OXR1: variants seen among roughly 807,000 people sequenced by gnomAD.
OXR1 encodes the protein oxidation resistance protein 1.
In OXR1, 41 loss-of-function variants were observed where a neutral mutation model predicts 104.6. That is an observed-to-expected ratio of 0.39 (90% CI 0.31 to 0.51). The LOEUF is 0.51. OXR1 is among the 20% of genes least tolerant of loss of function. The pLI, the probability that OXR1 is intolerant of heterozygous loss-of-function variation, is 0.77. For missense variants in OXR1, 955 were observed against 1,031.9 expected (o/e 0.93, Z 1.02); for synonymous variants, 348 against 348.4 (o/e 1.00, Z 0.01).
At chr8:106,733,554 T>G (rs1352843087) in intron 11 of OXR1, among the ~76,000 whole-genome samples, 2 of 152,200 alleles carry the variant, frequency 1.3e-5, no homozygotes, top group East Asian at 3.8e-4. Context: ...TCAGTTATAC[T>G]TTTTTAAAAA....
chr8:106,693,083 T>C (rs1385166270), intron 7 of OXR1, among the ~76,000 whole-genome samples: 1 of 152,172 alleles, frequency 6.6e-6, no homozygotes, highest in Non-Finnish European at 1.5e-5. Context: ...TTAAAAGTAA[T>C]GGAATATAAA....
chr8:106,719,067 A>G (rs1256961361), intron 11 of OXR1, among the ~76,000 whole-genome samples: 1 of 152,228 alleles, frequency 6.6e-6, no homozygotes, highest in Admixed American at 6.5e-5. Flanking sequence ...GGAACTACTT[A>G]TTACAGTCTT....
chr8:106,523,966 C>G (rs1251332282), intron 3 of OXR1, among the ~76,000 whole-genome samples: 1 of 151,948 alleles, frequency 6.6e-6, no homozygotes, highest in East Asian at 1.9e-4. Flanking sequence ...TTAGTAGAGA[C>G]GGGGTTTCAC....
At chr8:106,467,440 C>T (rs1399044019) in intron 2 of OXR1, among the ~76,000 whole-genome samples, 4 of 151,782 alleles carry the variant, frequency 2.6e-5, no homozygotes, top group African/African-American at 9.7e-5. Context: ...TCATGGATGA[C>T]CACAAAGAGC....
At chr8:106,309,120 GGT>G (rs1813591731) in intron 1 of OXR1, among the ~76,000 whole-genome samples, 1 of 151,938 alleles carries the variant, frequency 6.6e-6, no homozygotes, top group African/African-American at 2.4e-5. Flanking sequence ...CTAGGAACAA[GGT>G]GTGTACCATT....
chr8:106,496,052 G>A (rs554536196), intron 2 of OXR1, among the ~76,000 whole-genome samples: 17 of 152,018 alleles, frequency 1.1e-4, no homozygotes, highest in South Asian at 2.1e-4. Flanking sequence ...ATTAAAAAAC[G>A]GACATTATTA....
intron 2 of OXR1, among the ~76,000 whole-genome samples, chr8:106,502,530 AATG>A (rs1811880157): frequency 6.6e-6 from 1 of 152,174 alleles, no homozygotes; most frequent in Non-Finnish European, 1.5e-5. Flanking sequence ...AAATCACAAG[AATG>A]ATGATGCCAT....
chr8:106,711,896 A>G (rs1831729081), intron 10 of OXR1, among the ~76,000 whole-genome samples: 1 of 152,160 alleles, frequency 6.6e-6, no homozygotes, highest in African/African-American at 2.4e-5. Context: ...TACTTCTAAG[A>G]TAATGCTACA....
chr8:106,285,784 G>A (rs768262577), intron 1 of OXR1, among the ~76,000 whole-genome samples: 3 of 151,218 alleles, frequency 2.0e-5, no homozygotes, highest in African/African-American at 2.4e-5. Context: ...TATACACGAC[G>A]TCAACAAGAG....
intron 2 of OXR1, among the ~76,000 whole-genome samples, chr8:106,490,555 G>A (rs1398150393): frequency 1.3e-5 from 2 of 152,084 alleles, no homozygotes; most frequent in East Asian, 3.9e-4. Flanking sequence ...TAGGGAAGAT[G>A]GGGTTTCACC....
intron 3 of OXR1, among the ~76,000 whole-genome samples, chr8:106,660,978 G>A (rs1825708206): frequency 6.6e-6 from 1 of 152,068 alleles, no homozygotes; most frequent in Admixed American, 6.6e-5. Flanking sequence ...CTGCACTCCA[G>A]CCTGGGCCAC....
chr8:106,541,853 A>T (rs983640991), intron 3 of OXR1, among the ~76,000 whole-genome samples: 5 of 152,348 alleles, frequency 3.3e-5, no homozygotes, highest in African/African-American at 1.2e-4. Context: ...AAAATGAAGT[A>T]GGGATAAGAT....
intron 3 of OXR1, among the ~76,000 whole-genome samples, chr8:106,558,206 C>T (rs1816424986): frequency 6.6e-6 from 1 of 152,168 alleles, no homozygotes; most frequent in Non-Finnish European, 1.5e-5. Flanking sequence ...GAAAAGCTTC[C>T]CTCTTGAAGA....
intron 2 of OXR1, among the ~76,000 whole-genome samples, chr8:106,391,521 G>A (rs575389340): frequency 1.3e-5 from 2 of 152,248 alleles, no homozygotes; most frequent in South Asian, 4.1e-4. Flanking sequence ...AATGAATGCT[G>A]AAATGTAACA....
At position 106,356,450 on chromosome 8, in the gene OXR1, C is replaced by T. The variant is rs189861773; in HGVS notation, c.-138-3026C>T. ...ACTCTTCAGTTATACTAAATTGTAC[C>T]ATGTACATTGACAATATTTGACCAT... is the stretch of plus-strand genomic sequence containing the variant. On this transcript the variant is annotated intron_variant, in intron 1 of 16. Transcript: ENST00000517566. 3.0e-4 allele frequency among the ~76,000 whole-genome samples: 46 copies of T among 152,208 alleles called. No homozygotes were observed. In the East Asian group the frequency reaches 8.7e-3, roughly 29 times the overall value.
At chr8:106,274,457 G>A (rs1213556480) in intron 1 of OXR1, among the ~76,000 whole-genome samples, 1 of 152,122 alleles carries the variant, frequency 6.6e-6, no homozygotes, top group African/African-American at 2.4e-5. Flanking sequence ...AATTCATTCT[G>A]AAGGTATCAT....
intron 2 of OXR1, among the ~76,000 whole-genome samples, chr8:106,443,269 C>T (rs565182756): frequency 2.6e-5 from 4 of 152,106 alleles, no homozygotes; most frequent in African/African-American, 9.6e-5. Flanking sequence ...TACTGAGAGA[C>T]TGTTTATTAT....
At chr8:106,693,084 G>A (rs1456344616) in intron 7 of OXR1, among the ~76,000 whole-genome samples, 2 of 152,068 alleles carry the variant, frequency 1.3e-5, no homozygotes, top group African/African-American at 4.8e-5. Flanking sequence ...TAAAAGTAAT[G>A]GAATATAAAT....
chr8:106,621,280 T>C (rs770859559), intron 3 of OXR1, among the ~76,000 whole-genome samples: 1 of 152,086 alleles, frequency 6.6e-6, no homozygotes, highest in Non-Finnish European at 1.5e-5. Flanking sequence ...GTGAGACCCC[T>C]GTCTCTACAA....
Sources: allele counts gnomAD v4.1 joint callset (sites outside exome capture counted in the v4.1 genomes callset), GRCh38; gene constraint gnomAD v4.1.1; transcripts MANE v1.5; gene names NCBI Gene and HGNC (gene_info 2026-07-23, HGNC 2026-07-21).